Variants in RINT1 observed in about 807,000 individuals in gnomAD.
RINT1 encodes the protein RAD50 interactor 1.
Under a neutral mutation model 97.7 loss-of-function variants are expected in RINT1, and 75 were observed. The ratio of observed to expected loss-of-function variants is 0.77; its 90% confidence interval spans 0.64 to 0.93. RINT1 has a LOEUF of 0.93. Ranked by LOEUF, RINT1 falls within the 40% of genes least tolerant of loss-of-function variation. RINT1 has a pLI of 0.00. For synonymous variants in RINT1, 303 were observed against 326.3 expected, an observed-to-expected ratio of 0.93 and a Z score of 0.77; for missense variants, 892 against 925.2, an observed-to-expected ratio of 0.96 and a Z score of 0.47.
intron 11 of RINT1, among the ~76,000 whole-genome samples, chr7:105,562,098 T>C (rs1157542878): frequency 6.6e-6 from 1 of 152,202 alleles, no homozygotes; most frequent in African/African-American, 2.4e-5. Context: ...GGTGTGTGTA[T>C]GTCAACGTGT....
intron 4 of RINT1, among the ~76,000 whole-genome samples, chr7:105,545,534 T>A (rs557883843): frequency 0.052 from 7,601 of 147,412 alleles, 431 homozygotes; most frequent in African/African-American, 0.14. Context: ...ATATATATTT[T>A]TTTTTTTTTG....
intron 11 of RINT1, 23 bp from the exon 12 acceptor site, chr7:105,563,710 T>C (rs1791550296): frequency 6.4e-7 from 1 of 1,571,466 alleles, no homozygotes; most frequent in African/African-American, 1.4e-5. Context: ...TATGCTAATG[T>C]GTTAACATGT....
In RINT1 at chr7:105,536,774, AATT is replaced by A. The variant is rs768236285; in HGVS notation, c.273+28_273+30del. ...GGTAAGTATTGAAACTCACTGAAAT[AATT>A]ATCAGTGGAATACTTTTAACAATAT... On this transcript the variant is annotated intron_variant, in intron 3 of 14. Coordinates refer to ENST00000257700, the MANE Select transcript of RINT1 (RefSeq NM_021930.6). 12 of 1,397,636 alleles carry A rather than the reference AATT, an allele frequency of 8.6e-6. No homozygotes were observed. The African/African-American group carries it at 1.7e-4, about 20-fold the overall frequency. 86.6% of individuals were successfully genotyped at this position (1,397,636 alleles called of 1,614,324 possible).
At chr7:105,554,564 A>G (rs1301087614) in intron 10 of RINT1, among the ~76,000 whole-genome samples, 1 of 151,414 alleles carries the variant, frequency 6.6e-6, no homozygotes, top group Admixed American at 6.6e-5. Context: ...TCAGACTCCC[A>G]AGTAGCTGGG....
At chr7:105,541,544 G>A (rs1790459754) in intron 3 of RINT1, 1 of 151,970 alleles carries the variant, frequency 6.6e-6, no homozygotes, top group African/African-American at 2.4e-5. Context: ...CTGGGAGGCT[G>A]GGGTGGGCGG....
At position 105,548,491 on chromosome 7, in the gene RINT1, A is replaced by G. The variant is rs190137353; in HGVS notation, c.840-63A>G. The G allele has an allele frequency of 1.9e-4, 290 of 1,506,404 alleles. 1 individual carries two copies. In the African/African-American group the frequency reaches 3.1e-3, roughly 16 times the overall value. The allele number at this position is 1,506,404 out of a possible 1,614,324, so 93.3% of individuals were successfully genotyped here. ...GGAAAAATTTATTGTGTGTGTATAC[A>G]TACATATGTGTGTGTATATTAGGTA... On this transcript the variant is annotated intron_variant, in intron 6 of 14. Coordinates refer to ENST00000257700, the MANE Select transcript of RINT1 (RefSeq NM_021930.6).
intron 3 of RINT1, among the ~76,000 whole-genome samples, chr7:105,541,234 G>A (rs1235501000): frequency 6.6e-6 from 1 of 151,434 alleles, no homozygotes; most frequent in Non-Finnish European, 1.5e-5. Context: ...CCTCCTCCCG[G>A]TTCAAGTGAT....
In RINT1 at chr7:105,547,042, A is replaced by T; in HGVS notation, c.648A>T (p.Thr216=). ...ATCTTCTTGGTTTCATGAGAGCCAC[A>T]GTTAAATTCTGGCATAAAATTCTCA... is the stretch of plus-strand genomic sequence containing the variant. ...CTHLLGFMRA[T]VKFWHKILKD... The change falls in exon 5 of 15, where the codon ACA becomes ACT. Residue 216 remains threonine (T), a synonymous_variant. Coordinates refer to ENST00000257700, the MANE Select transcript of RINT1 (RefSeq NM_021930.6). 6.2e-7 allele frequency: 1 copy of T among 1,613,938 alleles called. No homozygotes were observed. Among genetic ancestry groups the T allele is most frequent in the South Asian group, 1.1e-5 (1 of 90,938 alleles).
intron 3 of RINT1, among the ~76,000 whole-genome samples, chr7:105,541,433 G>C (rs188139491): frequency 6.6e-6 from 1 of 151,812 alleles, no homozygotes; most frequent in Non-Finnish European, 1.5e-5. Flanking sequence ...CACCGTGCCC[G>C]GCCCTTCCTT....
At chr7:105,551,422 A>C in intron 9 of RINT1, 148 bp from the exon 10 acceptor site, 1 of 627,850 alleles carries the variant, frequency 1.6e-6, no homozygotes, top group Admixed American at 3.4e-5. Flanking sequence ...TTAAAGCATT[A>C]ATTAAGTTAA....
At chr7:105,534,304 G>T (rs1485064160) in intron 2 of RINT1, among the ~76,000 whole-genome samples, 1 of 151,968 alleles carries the variant, frequency 6.6e-6, no homozygotes, top group Admixed American at 6.6e-5. Context: ...CCTGACCTCA[G>T]GCAATCCACC....
chr7:105,559,192 T>A (rs923325371), intron 11 of RINT1, among the ~76,000 whole-genome samples: 1 of 150,500 alleles, frequency 6.6e-6, no homozygotes, highest in Non-Finnish European at 1.5e-5. Flanking sequence ...GTCAGGAGTT[T>A]GAGACCAGCC....
intron 2 of RINT1, among the ~76,000 whole-genome samples, chr7:105,533,153 G>C (rs1205100309): frequency 6.6e-6 from 1 of 152,102 alleles, no homozygotes; most frequent in Non-Finnish European, 1.5e-5. Flanking sequence ...CAGAATAATT[G>C]GGGCCTGCCT....
intron 3 of RINT1, among the ~76,000 whole-genome samples, chr7:105,539,664 G>A (rs986898276): frequency 3.3e-5 from 5 of 151,578 alleles, no homozygotes; most frequent in Admixed American, 6.6e-5. Context: ...CACTGCTCCC[G>A]GCCCATCTTT....
Position 105,550,360 on chromosome 7 carries a change from G to T in RINT1, c.1207G>T (p.Asp403Tyr), listed in dbSNP as rs1289113738. ...TGACAATCTCTTCTGTCATTTGGTG[G>T]ATGAAGTACTCTTGTTTGAAAGGGA... ...YDDNLFCHLVDEVLLFERELH... is the reference protein window; with the variant it reads ...YDDNLFCHLVYEVLLFERELH... The change falls in exon 9 of 15, where the codon GAT (aspartate) becomes TAT (tyrosine). Residue 403 changes from aspartate to tyrosine, a missense_variant. Asp to Tyr is a radical substitution (Grantham distance 160). Coordinates refer to ENST00000257700, the MANE Select transcript of RINT1 (RefSeq NM_021930.6). The T allele has an allele frequency of 5.0e-6, 8 of 1,614,088 alleles. No homozygotes were observed. The highest frequency in any genetic ancestry group is 1.3e-5 in the African/African-American group (1 of 75,040).
Position 105,551,714 on chromosome 7 carries a change from A to T in RINT1, c.1471+7A>T. ...CTACTCTTGGTTATAACTGGTAAGT[A>T]TGTCTTTTAAGATATGACTTTGTTT... On this transcript the variant is annotated splice_region_variant and intron_variant, in intron 10 of 14. Coordinates refer to ENST00000257700, the MANE Select transcript of RINT1 (RefSeq NM_021930.6). 6.3e-7 allele frequency: 1 copy of T among 1,585,912 alleles called. No homozygotes were observed. The highest frequency in any genetic ancestry group is 1.2e-5 in the South Asian group (1 of 85,990).
intron 3 of RINT1, among the ~76,000 whole-genome samples, chr7:105,538,197 G>C (rs1212596278): frequency 6.6e-6 from 1 of 151,934 alleles, no homozygotes; most frequent in Non-Finnish European, 1.5e-5. Context: ...TTCACCACTT[G>C]GGCCAAGATG....
At chr7:105,553,294 C>T (rs1455269040) in intron 10 of RINT1, among the ~76,000 whole-genome samples, 4 of 151,876 alleles carry the variant, frequency 2.6e-5, no homozygotes, top group Non-Finnish European at 2.9e-5. Flanking sequence ...GGCGCAATCT[C>T]GGCTTACTGC....
Position 105,548,609 on chromosome 7 carries a change from T to G in RINT1, c.895T>G (p.Ser299Ala), listed in dbSNP as rs1562848858. ...CCCAGAAAAATACTCTCTTCCTGCCTCCCCTTCTGTCATCCTGCCCATCCA... is the reference window on the plus strand; with the variant it reads ...CCCAGAAAAATACTCTCTTCCTGCCGCCCCTTCTGTCATCCTGCCCATCCA... ...QLPEKYSLPA[S>A]PSVILPIQVM... is the part of the protein sequence containing the mutation. Residue 299 changes from serine (S) to alanine (A), a missense_variant, in exon 7 of 15, where the codon TCC becomes GCC. Physicochemically the swap from Ser to Ala is moderately conservative, Grantham distance 99 (BLOSUM62 1). Coordinates refer to ENST00000257700, the MANE Select transcript of RINT1 (RefSeq NM_021930.6). The G allele has an allele frequency of 1.2e-6, 2 of 1,614,056 alleles. No individual in the cohort carries two copies. The highest frequency in any genetic ancestry group is 3.3e-5 in the Admixed American group (2 of 60,002).
Sources: allele counts gnomAD v4.1 joint callset (sites outside exome capture counted in the v4.1 genomes callset), GRCh38; gene constraint gnomAD v4.1.1; transcripts MANE v1.5; gene names NCBI Gene and HGNC (gene_info 2026-07-23, HGNC 2026-07-21).